SLC19A1: variants seen among roughly 807,000 people sequenced by gnomAD.
SLC19A1 encodes the protein solute carrier family 19 member 1.
SLC19A1 carries 37 observed loss-of-function variants against 35.3 expected under a neutral mutation model. The observed-to-expected ratio is 1.05, with a 90% CI of 0.81 to 1.38. The LOEUF (loss-of-function observed/expected upper bound fraction) is 1.38, where lower values mean the gene tolerates loss of function less well. SLC19A1 is among the 40% of genes most tolerant of loss of function. The pLI is 0.00. For synonymous variants in SLC19A1, 460 were observed against 398.5 expected, an observed-to-expected ratio of 1.15 and a Z score of -1.84; for missense variants, 831 against 826.9, an observed-to-expected ratio of 1.00 and a Z score of -0.06.
Position 45,530,825 on chromosome 21 carries a change from A to G in SLC19A1, c.1096T>C (p.Tyr366His). ...CCGCGGAACAGCACGAAGGCCGCAT[A>G]GCACAGCCAGATGCTGCTCGGGTGG... Reference protein sequence around the residue: ...TRHPSSIWLCYAAFVLFRGSY... With the variant: ...TRHPSSIWLCHAAFVLFRGSY... The change falls in exon 4 of 6, where the codon TAT (tyrosine) becomes CAT (histidine). Residue 366 changes from tyrosine to histidine, a missense_variant. Coordinates refer to ENST00000311124, the MANE Select transcript of SLC19A1 (RefSeq NM_194255.4). The surrounding 1 kb of genome is among the most constrained non-coding windows in gnomAD (Gnocchi z 5.3). The G allele has an allele frequency of 1.9e-6, 3 of 1,550,620 alleles. No homozygotes were observed. Among genetic ancestry groups the G allele is most frequent in the Non-Finnish European group, 2.6e-6 (3 of 1,149,206 alleles).
chr21:45,546,397 C>T (rs1461914762), upstream of SLC19A1, among the ~76,000 whole-genome samples: 1 of 152,260 alleles, frequency 6.6e-6, no homozygotes, highest in East Asian at 1.9e-4. Context: ...CACACTTCTT[C>T]CCTGGAAGGG....
intron 1 of SLC19A1, among the ~76,000 whole-genome samples, chr21:45,553,682 TCCCAGTCCCCCACGCCCCATCCCAGTCCC>T (rs2078493848): frequency 1.9e-4 from 1 of 5,214 alleles, no homozygotes; most frequent in East Asian, 8.8e-3. Flanking sequence ...CCACACCCCA[TCCCAGTCCCCCACGCCCCATCCCAGTCCC>T]CCACACCCCC....
intron 5 of SLC19A1, among the ~76,000 whole-genome samples, chr21:45,519,375 C>G (rs1196712366): frequency 6.6e-6 from 1 of 151,838 alleles, no homozygotes; most frequent in Non-Finnish European, 1.5e-5. Context: ...CTAAATACAC[C>G]AACTGTAAGA....
chr21:45,505,443 G>C (rs1329266541), intron 3 of SLC19A1: 1 of 1,484,232 alleles, frequency 6.7e-7, no homozygotes, highest in East Asian at 2.3e-5. Context: ...TAAGTGTCTG[G>C]GCAGCCGGCT....
upstream of SLC19A1, among the ~76,000 whole-genome samples, chr21:45,543,130 G>C (rs971622046): frequency 3.4e-4 from 52 of 152,288 alleles, no homozygotes; most frequent in African/African-American, 1.2e-3. Context: ...GGGACAGCCC[G>C]GGGGAGACCC....
At chr21:45,539,458 G>A (rs543487565) in intron 1 of SLC19A1, among the ~76,000 whole-genome samples, 1 of 152,252 alleles carries the variant, frequency 6.6e-6, no homozygotes, top group South Asian at 2.1e-4. Context: ...GTCTGCAGAG[G>A]GTCTGGATTT....
In SLC19A1 at chr21:45,530,688, G is replaced by A; in HGVS notation, c.1151+82C>T. ...GTGGCACAGCCGCTGGGGCGCAGCA[G>A]GAAGGTGGGAGCACCCAGCGAAGCG... On this transcript the variant is annotated intron_variant, in intron 4 of 5. Coordinates refer to ENST00000311124, the MANE Select transcript of SLC19A1 (RefSeq NM_194255.4). The surrounding 1 kb of genome is among the most constrained non-coding windows in gnomAD (Gnocchi z 5.3). 3.6e-6 allele frequency: 5 copies of A among 1,397,508 alleles called. No individual in the cohort carries two copies. The highest frequency in any genetic ancestry group is 4.9e-6 in the Non-Finnish European group (5 of 1,024,142). The allele number at this position is 1,397,508 out of a possible 1,614,324, so 86.6% of individuals were successfully genotyped here.
Position 45,517,832 on chromosome 21 carries a change from C to T in SLC19A1, c.1294-1692G>A, listed in dbSNP as rs972986594. On this transcript the variant is annotated intron_variant, in intron 5 of 5. Transcript: ENST00000311124. The surrounding 1 kb of genome is among the most constrained non-coding windows in gnomAD (Gnocchi z 4.4). ...AGCCCCCACCCAGCCACCCACCCTC[C>T]CTCAGGTGTCACAAAGGCTGAGTGA... 2.0e-5 allele frequency among the ~76,000 whole-genome samples: 3 copies of T among 152,216 alleles called. No individual in the cohort carries two copies. The highest frequency in any genetic ancestry group is 4.4e-5 in the Non-Finnish European group (3 of 68,032).
chr21:45,504,634 C>G, intron 3 of SLC19A1: 4 of 1,328,906 alleles, frequency 3.0e-6, no homozygotes, highest in Non-Finnish European at 4.2e-6. Flanking sequence ...CCAGCCCGGC[C>G]TTCGACACCC....
At chr21:45,542,268 G>A (rs1163322623) in intron 1 of SLC19A1, 100 bp downstream of exon 1, 1 of 134,010 alleles carries the variant, frequency 7.5e-6, no homozygotes, top group Non-Finnish European at 1.6e-5. Context: ...ACCTCACAGG[G>A]CCCTGCAAAC....
At position 45,516,024 on chromosome 21, in the gene SLC19A1, C is replaced by G. The variant is rs780069596; in HGVS notation, c.1410G>C (p.Gln470His). 9 of 1,578,496 alleles carry G rather than the reference C, an allele frequency of 5.7e-6. No individual in the cohort carries two copies. In the Admixed American group the frequency reaches 1.7e-4, roughly 30 times the overall value. Residue 470 changes from glutamine (Q) to histidine (H), a missense_variant, in exon 6 of 6, where the codon CAG becomes CAC. Gln to His is a conservative substitution (Grantham distance 24). Transcript: ENST00000311124. ...RGHHPRQPPAQGLRSAAEEKA... is the reference protein window; with the variant it reads ...RGHHPRQPPAHGLRSAAEEKA... ...TCTCCTCCGCGGCACTCCTCAGGCCCTGGGCCGGGGGCTGCCGCGGGTGGT... is the reference window on the plus strand; with the variant it reads ...TCTCCTCCGCGGCACTCCTCAGGCCGTGGGCCGGGGGCTGCCGCGGGTGGT...
chr21:45,556,566 T>A (rs1162763589), intron 1 of SLC19A1, among the ~76,000 whole-genome samples: 2 of 152,280 alleles, frequency 1.3e-5, no homozygotes, highest in Non-Finnish European at 1.5e-5. Flanking sequence ...AAATTTGTAC[T>A]AATTAAAACT....
intron 1 of SLC19A1, among the ~76,000 whole-genome samples, chr21:45,555,147 G>C (rs1311998017): frequency 8.8e-6 from 1 of 113,180 alleles, no homozygotes; most frequent in South Asian, 3.1e-4. Context: ...GCAGGGGGCG[G>C]TGCAGGGGGC....
At chr21:45,550,368 C>G (rs2078453604) in intron 1 of SLC19A1, among the ~76,000 whole-genome samples, 1 of 152,202 alleles carries the variant, frequency 6.6e-6, no homozygotes, top group Admixed American at 6.5e-5. Context: ...TGCCAGACCG[C>G]TTGGAGATGG....
chr21:45,561,322 T>C (rs1351104438), intron 1 of SLC19A1, among the ~76,000 whole-genome samples: 5 of 152,220 alleles, frequency 3.3e-5, no homozygotes, highest in East Asian at 1.9e-4. Context: ...CATTCACTTG[T>C]AATAAATGAA....
chr21:45,509,629 C>G (rs771695982), downstream of SLC19A1: 3 of 1,207,012 alleles, frequency 2.5e-6, no homozygotes, highest in South Asian at 2.6e-5. Context: ...GTGGGCTTGG[C>G]TCCATCTAGC....
At position 45,556,816 on chromosome 21, in the gene SLC19A1, G is replaced by A. The variant is rs186094634; in HGVS notation, c.-50+5926C>T. On this transcript the variant is annotated intron_variant, in intron 1 of 5. Transcript: ENST00000650808. ...TGGATGGGGAGAGAGGCGGGGTGGA[G>A]GGTGGCATGGGAGTCCTGTGGCCGG... Among the ~76,000 whole-genome samples the A allele has an allele frequency of 3.1e-3, 469 of 152,338 alleles. 3 individuals are homozygous for A. Among genetic ancestry groups the A allele is most frequent in the African/African-American group, 0.011 (445 of 41,562 alleles).
rs141599346 is a variant in SLC19A1 at position 45,515,018 on chromosome 21, G to T, written c.*640C>A. The T allele has an allele frequency of 1.3e-6, 2 of 1,535,172 alleles. No individual in the cohort carries two copies. Among genetic ancestry groups the T allele is most frequent in the African/African-American group, 2.8e-5 (2 of 71,604 alleles). The stretch of plus-strand genomic sequence containing the variant: ...CAGAAGGACAGACAGGACCATGGAG[G>T]GCTGCCCTTAGGGTGGGAGAGAGGA... On this transcript the variant is annotated 3_prime_UTR_variant, in exon 6 of 6. Transcript: ENST00000311124.
At chr21:45,510,365 A>C, downstream of SLC19A1, 1 of 1,287,994 alleles carries the variant, frequency 7.8e-7, no homozygotes, top group Non-Finnish European at 1.1e-6. Context: ...GGAGGCCACC[A>C]TGTTACAGAC....
Sources: gnomAD v4.1 joint callset for allele counts (sites outside exome capture counted in the v4.1 genomes callset) on GRCh38, gnomAD v4.1.1 for gene constraint, Gnocchi (gnomAD v3.1) non-coding constraint, MANE v1.5 for transcripts, NCBI Gene and HGNC (gene_info 2026-07-23, HGNC 2026-07-21) for gene names.